The following LRRC7 variants were observed in gnomAD, a reference collection of about 807,000 sequenced individuals.
LRRC7 encodes leucine-rich repeat-containing protein 7.
LRRC7 carries 23 observed loss-of-function variants against 175.7 expected under a neutral mutation model. The observed-to-expected ratio is 0.13, with a 90% confidence interval of 0.09 to 0.19. The LOEUF is 0.19. LRRC7 is among the 10% of genes least tolerant of loss of function. LRRC7 has a pLI of 1.00. For missense variants in LRRC7, 1,354 were observed against 1,904.7 expected (o/e 0.71, Z 5.38); for synonymous variants, 685 against 680.9 (o/e 1.01, Z -0.09).
chr1:69,824,907 C>T (rs1679727334), intron 4 of LRRC7, among the ~76,000 whole-genome samples: 1 of 152,158 alleles, frequency 6.6e-6, no homozygotes, highest in African/African-American at 2.4e-5. Flanking sequence ...AGCTTCTTCC[C>T]TTCTAACTTT....
chr1:69,691,163 T>C (rs1446750185), intron 2 of LRRC7, among the ~76,000 whole-genome samples: 5 of 152,192 alleles, frequency 3.3e-5, no homozygotes, highest in South Asian at 2.1e-4. Context: ...GCTGGCCTAG[T>C]GTTTAACATT....
chr1:69,774,112 G>C (rs563530029), intron 3 of LRRC7, among the ~76,000 whole-genome samples: 4 of 152,078 alleles, frequency 2.6e-5, no homozygotes, highest in Non-Finnish European at 5.9e-5. Flanking sequence ...AAAAAGAAGG[G>C]AGGCATAGAA....
At chr1:70,070,869 T>G (rs1179028396) in intron 23 of LRRC7, among the ~76,000 whole-genome samples, 1 of 152,184 alleles carries the variant, frequency 6.6e-6, no homozygotes, top group Non-Finnish European at 1.5e-5. Context: ...TGGGTAGGAC[T>G]GGAAGTCCAA....
chr1:70,115,326 T>G (rs150499066), intron 26 of LRRC7, among the ~76,000 whole-genome samples: 208 of 152,310 alleles, frequency 1.4e-3, no homozygotes, highest in African/African-American at 4.2e-3. Context: ...TGTGTAAGGT[T>G]GTGTTTTTGC....
In LRRC7 at chr1:69,612,714, G is replaced by T. The variant is rs79878275; in HGVS notation, c.2+44073G>T. Among the ~76,000 whole-genome samples the T allele has an allele frequency of 3.3e-5, 5 of 152,076 alleles. No homozygotes were observed. The East Asian group carries it at 9.7e-4, about 29-fold the overall frequency. ...CATATACTGTAATTTACCTAAATAA[G>T]TTCTAATGTTTTGACTTAATTTTGT... is the stretch of plus-strand genomic sequence containing the variant. On this transcript the variant is annotated intron_variant, in intron 1 of 26. Coordinates refer to ENST00000651989, the MANE Select transcript of LRRC7 (RefSeq NM_001370785.2).
chr1:70,079,362 A>G (rs1008175884), intron 24 of LRRC7, among the ~76,000 whole-genome samples: 1 of 152,208 alleles, frequency 6.6e-6, no homozygotes, highest in Non-Finnish European at 1.5e-5. Flanking sequence ...GCAAAGTTCA[A>G]CTTAAATTAT....
intron 7 of LRRC7, among the ~76,000 whole-genome samples, chr1:69,880,359 G>C (rs969368540): frequency 6.6e-6 from 1 of 152,194 alleles, no homozygotes; most frequent in Non-Finnish European, 1.5e-5. Flanking sequence ...TCAGCGCTGA[G>C]CAAGGGGATG....
At chr1:69,660,588 T>C (rs906126764) in intron 1 of LRRC7, among the ~76,000 whole-genome samples, 1 of 152,058 alleles carries the variant, frequency 6.6e-6, no homozygotes, top group South Asian at 2.1e-4. Context: ...ACTGTGGTTC[T>C]CAGGAAAGGC....
chr1:69,985,081 G>C (rs957026374), intron 9 of LRRC7, among the ~76,000 whole-genome samples: 1 of 152,142 alleles, frequency 6.6e-6, no homozygotes, highest in Non-Finnish European at 1.5e-5. Context: ...GCCCTTCCCT[G>C]TTCTGTGGCA....
At chr1:69,647,786 C>G (rs1655212233) in intron 1 of LRRC7, among the ~76,000 whole-genome samples, 1 of 152,098 alleles carries the variant, frequency 6.6e-6, no homozygotes, top group South Asian at 2.1e-4. Context: ...TATTTTCTAT[C>G]TACTTTAGAC....
chr1:70,009,782 A>G (rs1656332509), intron 11 of LRRC7, among the ~76,000 whole-genome samples: 1 of 152,208 alleles, frequency 6.6e-6, no homozygotes, highest in African/African-American at 2.4e-5. Context: ...TTTCACCACA[A>G]CTCATTCTAA....
At chr1:69,643,658 T>C (rs1369434508) in intron 1 of LRRC7, among the ~76,000 whole-genome samples, 3 of 152,114 alleles carry the variant, frequency 2.0e-5, no homozygotes, top group Admixed American at 6.6e-5. Flanking sequence ...CTAATCCCTC[T>C]CTCTGTTTAA....
intron 10 of LRRC7, 29 bp from the exon 11 acceptor site, chr1:69,994,532 G>T: frequency 7.1e-7 from 1 of 1,411,666 alleles, no homozygotes; most frequent in Non-Finnish European, 1.0e-6. Flanking sequence ...CTGCTCTTAT[G>T]TATTAATCAA....
intron 7 of LRRC7, among the ~76,000 whole-genome samples, chr1:69,881,422 A>C (rs1388120779): frequency 6.6e-6 from 1 of 152,230 alleles, no homozygotes; most frequent in Non-Finnish European, 1.5e-5. Flanking sequence ...TGCTGCTAGA[A>C]CATTGTTGAG....
intron 4 of LRRC7, among the ~76,000 whole-genome samples, chr1:69,795,772 A>G (rs181798839): frequency 1.6e-3 from 249 of 152,240 alleles, no homozygotes; most frequent in Admixed American, 3.6e-3. Context: ...TTCATGTCCA[A>G]TTCTACTGCC....
At chr1:70,081,826 C>T (rs1163809740) in intron 24 of LRRC7, among the ~76,000 whole-genome samples, 1 of 152,164 alleles carries the variant, frequency 6.6e-6, no homozygotes, top group Non-Finnish European at 1.5e-5. Context: ...ATAGCAGGAG[C>T]TCCATGGCTG....
chr1:69,652,262 C>T (rs1011846253), intron 1 of LRRC7, among the ~76,000 whole-genome samples: 2 of 146,906 alleles, frequency 1.4e-5, no homozygotes, highest in African/African-American at 5.1e-5. Context: ...TATTCACAAA[C>T]TGTTAGAACT....
intron 1 of LRRC7, among the ~76,000 whole-genome samples, chr1:69,653,454 A>G (rs1439816218): frequency 6.6e-6 from 1 of 152,024 alleles, no homozygotes; most frequent in Non-Finnish European, 1.5e-5. Flanking sequence ...GATGGTCATA[A>G]TCAGTTTTTT....
intron 1 of LRRC7, among the ~76,000 whole-genome samples, chr1:69,637,255 G>A (rs1040378963): frequency 6.6e-6 from 1 of 151,904 alleles, no homozygotes; most frequent in Non-Finnish European, 1.5e-5. Flanking sequence ...ATAAATTTAG[G>A]TGGTTTTCTA....
Sources: gnomAD v4.1 joint callset for allele counts (sites outside exome capture counted in the v4.1 genomes callset) on GRCh38, gnomAD v4.1.1 for gene constraint, MANE v1.5 for transcripts, NCBI Gene and HGNC (gene_info 2026-07-23, HGNC 2026-07-21) for gene names.